Variants in STARD13 observed in about 807,000 individuals in gnomAD.
STARD13 encodes the protein stAR-related lipid transfer protein 13.
In STARD13, 62 loss-of-function variants were observed where a neutral mutation model predicts 106.4. The ratio of observed to expected loss-of-function variants is 0.58; its 90% CI spans 0.48 to 0.72. The LOEUF (loss-of-function observed/expected upper bound fraction) is 0.72. Among genes scored for constraint, STARD13 ranks in the 30% least tolerant of loss-of-function variants. STARD13 has a pLI of 0.00. For synonymous variants in STARD13, 565 were observed against 553.0 expected (o/e 1.02, Z -0.31); for missense variants, 1,387 against 1,424.0 (o/e 0.97, Z 0.42).
chr13:33,179,660 G>C (rs577809125), intron 1 of STARD13, among the ~76,000 whole-genome samples: 1 of 152,134 alleles, frequency 6.6e-6, no homozygotes, highest in Admixed American at 6.5e-5. Flanking sequence ...GTGGGCAGTG[G>C]GTCCTACCCT....
chr13:33,324,456 G>A lies in STARD13; in HGVS notation c.124+25834C>T, dbSNP rs192434465. ...AAAGTTCTAAATGGATTTTGTAATC[G>A]TGTATCTTTAGGACCCAACTCTATC... is the stretch of plus-strand genomic sequence containing the variant. On this transcript the variant is annotated intron_variant, in intron 1 of 5. Transcript: ENST00000567873. 5.7e-3 allele frequency among the ~76,000 whole-genome samples: 873 copies of A among 152,292 alleles called. 4 individuals carry two copies. The highest frequency in any genetic ancestry group is 0.011 in the Non-Finnish European group (718 of 68,022).
At chr13:33,138,708 CGGCAGA>C (rs1293787117) in intron 4 of STARD13, 5 of 332,988 alleles carry the variant, frequency 1.5e-5, no homozygotes, top group Non-Finnish European at 3.0e-5. Context: ...GAGCTGCAGG[CGGCAGA>C]AGTGCTGGTG....
the STARD13 span, among the ~76,000 whole-genome samples, chr13:33,646,389 A>C: frequency 1.3e-5 from 2 of 152,216 alleles, no homozygotes; most frequent in Admixed American, 6.5e-5. Flanking sequence ...CTCGGGATAT[A>C]CAGAGGTAAG....
the STARD13 span, among the ~76,000 whole-genome samples, chr13:33,378,100 C>T: frequency 1.3e-5 from 2 of 152,084 alleles, no homozygotes; most frequent in Non-Finnish European, 2.9e-5. Context: ...CCAGAGTTTC[C>T]TTGGTTATCA....
At chr13:33,281,741 A>G (rs755856726) in intron 1 of STARD13, among the ~76,000 whole-genome samples, 20 of 152,192 alleles carry the variant, frequency 1.3e-4, no homozygotes, top group Non-Finnish European at 2.1e-4. Flanking sequence ...GAATCACTGT[A>G]TGATTTCACT....
At chr13:33,327,127 C>T (rs1056064162) in intron 1 of STARD13, among the ~76,000 whole-genome samples, 2 of 152,156 alleles carry the variant, frequency 1.3e-5, no homozygotes, top group Non-Finnish European at 2.9e-5. Context: ...GTACATTTAT[C>T]CACAATTAGT....
the STARD13 span, among the ~76,000 whole-genome samples, chr13:33,583,774 G>T: frequency 1.3e-5 from 2 of 151,740 alleles, no homozygotes; most frequent in African/African-American, 2.4e-5. Flanking sequence ...GAATCTATCC[G>T]CAGTCCATGA....
chr13:33,414,047 A>AAAAAAAAAAAAAAAAAG, the STARD13 span, among the ~76,000 whole-genome samples: 41 of 143,692 alleles, frequency 2.9e-4, no homozygotes, highest in East Asian at 8.7e-4. Context: ...AAAAAAAAAA[A>AAAAAAAAAAAAAAAAAG]AAAGAAAAGA....
chr13:33,548,581 T>G, the STARD13 span, among the ~76,000 whole-genome samples: 1 of 152,216 alleles, frequency 6.6e-6, no homozygotes, highest in African/African-American at 2.4e-5. Flanking sequence ...AGGTATATAG[T>G]TGGCACACTT....
chr13:33,529,854 A>T, the STARD13 span, among the ~76,000 whole-genome samples: 1 of 152,176 alleles, frequency 6.6e-6, no homozygotes, highest in Non-Finnish European at 1.5e-5. Flanking sequence ...AGTCCATCCA[A>T]TGATGCCTAG....
At chr13:33,395,314 TC>T in the STARD13 span, among the ~76,000 whole-genome samples, 1 of 152,306 alleles carries the variant, frequency 6.6e-6, no homozygotes, top group South Asian at 2.1e-4. Context: ...TAAAATGGGC[TC>T]AGAGTGGTCT....
chr13:33,636,720 A>C, the STARD13 span, among the ~76,000 whole-genome samples: 1 of 152,312 alleles, frequency 6.6e-6, no homozygotes, highest in South Asian at 2.1e-4. Flanking sequence ...TTAAAAAATG[A>C]GTCACAACAA....
At chr13:33,242,612 C>T (rs1180206563) in intron 1 of STARD13, among the ~76,000 whole-genome samples, 5 of 152,118 alleles carry the variant, frequency 3.3e-5, no homozygotes, top group Admixed American at 2.0e-4. Context: ...ACAAACACTG[C>T]GGAAGGCGGC....
chr13:33,510,695 A>G, the STARD13 span, among the ~76,000 whole-genome samples: 3 of 152,178 alleles, frequency 2.0e-5, no homozygotes, highest in Non-Finnish European at 4.4e-5. Flanking sequence ...AACATAAACT[A>G]GGAACTGCTG....
chr13:33,470,685 C>A, the STARD13 span, among the ~76,000 whole-genome samples: 1 of 152,172 alleles, frequency 6.6e-6, no homozygotes, highest in Non-Finnish European at 1.5e-5. Context: ...TGATGATGAG[C>A]CTTTTTTCAT....
chr13:33,446,598 T>C, the STARD13 span, among the ~76,000 whole-genome samples: 1 of 152,182 alleles, frequency 6.6e-6, no homozygotes. Context: ...GAAAATCCAC[T>C]TTTGTGGACT....
chr13:33,482,499 T>C, the STARD13 span, among the ~76,000 whole-genome samples: 2 of 152,200 alleles, frequency 1.3e-5, no homozygotes, highest in African/African-American at 4.8e-5. Flanking sequence ...AAAATAAGTA[T>C]ATAAAGATAG....
chr13:33,357,720 T>C, the STARD13 span, among the ~76,000 whole-genome samples: 1 of 152,112 alleles, frequency 6.6e-6, no homozygotes, highest in African/African-American at 2.4e-5. Context: ...CACTTGAGGT[T>C]AGGAGTTCAA....
chr13:33,327,674 TG>T (rs2077791884), intron 1 of STARD13, among the ~76,000 whole-genome samples: 1 of 152,244 alleles, frequency 6.6e-6, no homozygotes, highest in South Asian at 2.1e-4. Flanking sequence ...CTGGTCCCTT[TG>T]GTGATTTTTA....
Sources: allele counts gnomAD v4.1 joint callset (sites outside exome capture counted in the v4.1 genomes callset), GRCh38; gene constraint gnomAD v4.1.1; transcripts MANE v1.5; gene names NCBI Gene and HGNC (gene_info 2026-07-23, HGNC 2026-07-21).